The following ERC2 variants were observed in gnomAD, a reference collection of about 807,000 sequenced individuals.
ERC2 encodes the protein ERC protein 2.
In ERC2, 42 loss-of-function variants were observed where a neutral mutation model predicts 114.8. That is an observed-to-expected ratio of 0.37 (90% CI 0.29 to 0.47). The LOEUF (loss-of-function observed/expected upper bound fraction) is 0.47, where lower values mean the gene tolerates loss of function less well. ERC2 is among the 20% of genes least tolerant of loss of function. The pLI, the probability that ERC2 is intolerant of heterozygous loss-of-function variation, is 0.99. For missense variants in ERC2, 939 were observed against 1,150.7 expected, an observed-to-expected ratio of 0.82 and a Z score of 2.66; for synonymous variants, 454 against 425.5, an observed-to-expected ratio of 1.07 and a Z score of -0.82.
chr3:56,005,610 C>A (rs896922449), intron 10 of ERC2, among the ~76,000 whole-genome samples: 1 of 151,864 alleles, frequency 6.6e-6, no homozygotes, highest in Non-Finnish European at 1.5e-5. Flanking sequence ...ATAAATGGAG[C>A]CCCCGATCTC....
chr3:55,812,977 G>A (rs9861210), intron 14 of ERC2, among the ~76,000 whole-genome samples: 4,142 of 152,336 alleles, frequency 0.027, 195 homozygotes, highest in African/African-American at 0.094. Flanking sequence ...AGACGAATGA[G>A]TGCCAGGCAC....
At chr3:55,932,665 C>T (rs2066171489) in intron 13 of ERC2, among the ~76,000 whole-genome samples, 1 of 152,144 alleles carries the variant, frequency 6.6e-6, no homozygotes. Flanking sequence ...ATTCCCAATA[C>T]ATTCACCACT....
intron 17 of ERC2, among the ~76,000 whole-genome samples, chr3:55,623,048 T>A (rs1338409688): frequency 6.6e-6 from 1 of 152,212 alleles, no homozygotes; most frequent in African/African-American, 2.4e-5. Context: ...AAATTCCAGA[T>A]AAAGAATTCA....
Position 55,699,383 on chromosome 3 carries a change from C to T in ERC2, c.2842G>A (p.Asp948Asn). Residue 948 changes from aspartate (D) to asparagine (N), a missense_variant, in exon 16 of 18, where the codon GAC (aspartate) becomes AAC (asparagine). Asp to Asn is a conservative substitution (Grantham distance 23). This residue lies in a region of ERC2 where 328 missense variants were observed against 353.9 expected (regional missense o/e 0.93). Transcript: ENST00000288221. ...TAAGCAGCGATGAAACTGACCTGGT[C>T]CGGAGAGGGCCTGTGATTGGAATGT... ...SQHSNHRPSP[D>N]QDDEEGIWA The T allele has an allele frequency of 5.0e-6, 8 of 1,613,444 alleles. No individual in the cohort carries two copies. The highest frequency in any genetic ancestry group is 5.9e-6 in the Non-Finnish European group (7 of 1,179,778).
At chr3:56,373,593 T>A (rs929998797) in intron 2 of ERC2, among the ~76,000 whole-genome samples, 11 of 152,156 alleles carry the variant, frequency 7.2e-5, no homozygotes, top group Admixed American at 7.2e-4. Context: ...CAGCAGCACA[T>A]TGGTGTAAAG....
chr3:55,950,697 T>C (rs1576328199), intron 12 of ERC2, 137 bp from the exon 13 acceptor site: 2 of 953,832 alleles, frequency 2.1e-6, no homozygotes, highest in East Asian at 4.9e-5. Flanking sequence ...GAATAATCCA[T>C]TCATTCAACT....
chr3:55,976,227 C>T (rs776507119), intron 12 of ERC2, among the ~76,000 whole-genome samples: 1 of 152,044 alleles, frequency 6.6e-6, no homozygotes, highest in Non-Finnish European at 1.5e-5. Context: ...TTGGCCTTCC[C>T]AAGAGGAAAA....
At chr3:55,870,702 AG>A (rs2062543636) in intron 14 of ERC2, among the ~76,000 whole-genome samples, 1 of 152,160 alleles carries the variant, frequency 6.6e-6, no homozygotes, top group African/African-American at 2.4e-5. Context: ...ACCCATTCCC[AG>A]GGGGCTAAGG....
intron 15 of ERC2, among the ~76,000 whole-genome samples, chr3:55,700,592 G>A (rs920078646): frequency 6.6e-6 from 1 of 152,172 alleles, no homozygotes; most frequent in Non-Finnish European, 1.5e-5. Context: ...GTTGTTGTTT[G>A]CTGTAAGACA....
At chr3:56,230,703 C>A (rs769038285) in intron 3 of ERC2, among the ~76,000 whole-genome samples, 126 of 152,224 alleles carry the variant, frequency 8.3e-4, no homozygotes, top group Non-Finnish European at 1.5e-3. Context: ...ACATTGCCTT[C>A]TTAATAGCTA....
chr3:55,581,214 T>C (rs1575647471), intron 17 of ERC2, among the ~76,000 whole-genome samples: 1 of 152,322 alleles, frequency 6.6e-6, no homozygotes, highest in South Asian at 2.1e-4. Context: ...CTTTCTCTTT[T>C]CAAATGCTTA....
At chr3:56,129,378 T>C (rs1159685717) in intron 6 of ERC2, among the ~76,000 whole-genome samples, 3 of 152,126 alleles carry the variant, frequency 2.0e-5, no homozygotes, top group Non-Finnish European at 4.4e-5. Flanking sequence ...ATAATCACAA[T>C]GTAAACTGGT....
intron 6 of ERC2, among the ~76,000 whole-genome samples, chr3:56,094,773 A>G (rs999465834): frequency 2.6e-5 from 4 of 152,220 alleles, no homozygotes; most frequent in Non-Finnish European, 5.9e-5. Context: ...ATACACATAT[A>G]AAGTTAGTAT....
chr3:55,914,959 G>C (rs944747378), intron 13 of ERC2, among the ~76,000 whole-genome samples: 1 of 152,070 alleles, frequency 6.6e-6, no homozygotes, highest in East Asian at 1.9e-4. Context: ...TAGAACCAAA[G>C]ATTTTAAAAA....
At chr3:55,867,204 A>C (rs2062362457) in intron 14 of ERC2, among the ~76,000 whole-genome samples, 1 of 150,932 alleles carries the variant, frequency 6.6e-6, no homozygotes, top group Admixed American at 6.6e-5. Context: ...TTTACTTCCA[A>C]ATTTCCTTTC....
chr3:56,240,831 A>T (rs77471825), intron 3 of ERC2, among the ~76,000 whole-genome samples: 1 of 152,160 alleles, frequency 6.6e-6, no homozygotes, highest in African/African-American at 2.4e-5. Context: ...TCTTTTTAAA[A>T]TTTTTTTATA....
chr3:55,595,300 AC>A (rs1238560070), intron 17 of ERC2, among the ~76,000 whole-genome samples: 1 of 152,328 alleles, frequency 6.6e-6, no homozygotes, highest in East Asian at 1.9e-4. Flanking sequence ...TTAACAGGAG[AC>A]ACTGAAACTA....
At chr3:55,535,083 G>A (rs576493628) in intron 17 of ERC2, among the ~76,000 whole-genome samples, 1 of 152,264 alleles carries the variant, frequency 6.6e-6, no homozygotes, top group Admixed American at 6.5e-5. Context: ...CTCATCCCAG[G>A]TGTATCCAGG....
intron 15 of ERC2, among the ~76,000 whole-genome samples, chr3:55,703,673 G>A (rs986050509): frequency 6.6e-6 from 1 of 152,246 alleles, no homozygotes; most frequent in African/African-American, 2.4e-5. Context: ...GTGTGTCAAA[G>A]TATATGAGTG....
Sources: allele counts gnomAD v4.1 joint callset (sites outside exome capture counted in the v4.1 genomes callset), GRCh38; gene constraint gnomAD v4.1.1; regional missense constraint gnomAD v4.1.1; transcripts MANE v1.5; gene names NCBI Gene and HGNC (gene_info 2026-07-23, HGNC 2026-07-21).